The following RBM42 variants were observed in gnomAD, a reference collection of about 807,000 sequenced individuals.
The protein encoded by RBM42 is RNA binding motif protein 42, also known as RNA-binding protein 42.
Under a neutral mutation model 41.4 loss-of-function variants are expected in RBM42, and 21 were observed. The observed-to-expected ratio is 0.51, with a 90% CI of 0.36 to 0.73. The LOEUF (loss-of-function observed/expected upper bound fraction) is 0.73, where lower values mean the gene tolerates loss of function less well. Among genes scored for constraint, RBM42 ranks in the 30% least tolerant of loss-of-function variants. RBM42 has a pLI of 0.00. For synonymous variants in RBM42, 272 were observed against 271.2 expected, an observed-to-expected ratio of 1.00 and a Z score of -0.03; for missense variants, 539 against 680.4, an observed-to-expected ratio of 0.79 and a Z score of 2.31.
In RBM42 at chr19:35,633,698, A is replaced by G. The variant is rs999524352; in HGVS notation, c.696A>G (p.Ala232=). ...CCTCTTACCCACAGGAAGAGCCAGCAGCACCCCGAGAGCTGGGCCTAGGCC... is the reference window on the plus strand; with the variant it reads ...CCTCTTACCCACAGGAAGAGCCAGCGGCACCCCGAGAGCTGGGCCTAGGCC... The part of the protein sequence containing the change: ...AALRPPLEEP[A]APRELGLGLG... Residue 232 remains alanine, a synonymous_variant, in exon 7 of 10, where the codon GCA becomes GCG. Coordinates refer to ENST00000262633, the MANE Select transcript of RBM42 (RefSeq NM_024321.5). The G allele has an allele frequency of 2.1e-6, 3 of 1,460,758 alleles. No homozygotes were observed. In the African/African-American group the frequency reaches 4.4e-5, roughly 22 times the overall value. The allele number at this position is 1,460,758 out of a possible 1,614,324, so 90.5% of individuals were successfully genotyped here.
Position 35,629,640 on chromosome 19 carries a change from C to T in RBM42, c.249C>T (p.Ile83=). 1 of 1,614,198 alleles carries T rather than the reference C, an allele frequency of 6.2e-7. No individual in the cohort carries two copies. Among genetic ancestry groups the T allele is most frequent in the East Asian group, 2.2e-5 (1 of 44,886 alleles). The change falls in exon 2 of 10, where the codon ATC becomes ATT. Residue 83 remains isoleucine, a synonymous_variant. Coordinates refer to ENST00000262633, the MANE Select transcript of RBM42 (RefSeq NM_024321.5). Reference sequence around the variant, plus strand: ...TGCAGGTCCCAGCGGCTCCTGTGATCCGCCCAATTATCGCGACCAACACAT... The same window carrying T: ...TGCAGGTCCCAGCGGCTCCTGTGATTCGCCCAATTATCGCGACCAACACAT... The part of the protein sequence containing the change: ...EAMQVPAAPV[I]RPIIATNTYQ...
chr19:35,637,075 C>G lies in RBM42; in HGVS notation c.1136-83C>G, dbSNP rs1274736675. On this transcript the variant is annotated intron_variant, in intron 8 of 9. Transcript: ENST00000262633. The surrounding 1 kb of genome is among the most constrained non-coding windows in gnomAD (Gnocchi z 7.0). Reference sequence around the variant, plus strand: ...GTCCCTAGGCAGAGACTAGATACCTCCGAAAAGGTGGGATCGTTCAGACAA... The same window carrying G: ...GTCCCTAGGCAGAGACTAGATACCTGCGAAAAGGTGGGATCGTTCAGACAA... The G allele has an allele frequency of 1.5e-6, 2 of 1,320,570 alleles. No individual in the cohort carries two copies. Among genetic ancestry groups the G allele is most frequent in the African/African-American group, 2.9e-5 (2 of 68,224 alleles). 81.8% of individuals were successfully genotyped at this position (1,320,570 alleles called of 1,614,324 possible).
intron 8 of RBM42, among the ~76,000 whole-genome samples, chr19:35,634,674 T>A (rs1173734887): frequency 4.7e-5 from 7 of 150,020 alleles, no homozygotes; most frequent in African/African-American, 7.3e-5. Flanking sequence ...TTTTTTTTTT[T>A]ATGAGACAGA....
rs772047822 is a variant in RBM42, at chr19:35,633,710, G to A, written c.708G>A (p.Glu236=). The A allele has an allele frequency of 6.8e-7, 1 of 1,470,436 alleles. No individual in the cohort carries two copies. Among genetic ancestry groups the A allele is most frequent in the South Asian group, 1.5e-5 (1 of 68,756 alleles). 91.1% of individuals were successfully genotyped at this position (1,470,436 alleles called of 1,614,324 possible). Reference sequence around the variant, plus strand: ...AGGAAGAGCCAGCAGCACCCCGAGAGCTGGGCCTAGGCCTGGGGTTGGGCC... The same window carrying A: ...AGGAAGAGCCAGCAGCACCCCGAGAACTGGGCCTAGGCCTGGGGTTGGGCC... The part of the protein sequence containing the change: ...PPLEEPAAPR[E]LGLGLGLGLK... The change falls in exon 7 of 10, where the codon GAG becomes GAA. Residue 236 remains glutamate (E), a synonymous_variant. Transcript: ENST00000262633.
chr19:35,634,396 C>CA, intron 8 of RBM42, 23 bp downstream of exon 8: 1 of 1,583,994 alleles, frequency 6.3e-7, no homozygotes. Context: ...AGCTCGAGGT[C>CA]AGGCGTGGCT....
rs1313386495 is a variant in RBM42 at position 35,629,296 on chromosome 19, A to T, written c.128+15A>T. ...GAGATGGCCCTGTAAGGCCCGCGAC[A>T]GAGAGTGATAAAAGTCGTCCCAGAG... is the stretch of plus-strand genomic sequence containing the variant. On this transcript the variant is annotated intron_variant, in intron 1 of 9. Coordinates refer to ENST00000262633, the MANE Select transcript of RBM42 (RefSeq NM_024321.5). 2 of 1,513,550 alleles carry T rather than the reference A, an allele frequency of 1.3e-6. No individual in the cohort carries two copies. The highest frequency in any genetic ancestry group is 2.8e-5 in the African/African-American group (2 of 71,580). The allele number at this position is 1,513,550 out of a possible 1,614,324, so 93.8% of individuals were successfully genotyped here.
intron 1 of RBM42, 26 bp from the exon 2 acceptor site, chr19:35,629,494 C>T: frequency 6.2e-7 from 1 of 1,612,774 alleles, no homozygotes; most frequent in Non-Finnish European, 8.5e-7. Context: ...AGGTCCTGAG[C>T]GCTGATGTCT....
Position 35,637,283 on chromosome 19 carries a change from A to AC in RBM42, c.1263dup (p.Lys422GlnfsTer20), listed in dbSNP as rs1177265788. 1 of 1,614,188 alleles carries AC rather than the reference A, an allele frequency of 6.2e-7. No individual in the cohort carries two copies. Among genetic ancestry groups the AC allele is most frequent in the Admixed American group, 1.7e-5 (1 of 60,024 alleles). On this transcript the variant is annotated frameshift_variant, in exon 9 of 10. Transcript: ENST00000262633. LOFTEE classifies it high-confidence loss of function. The surrounding 1 kb of genome is among the most constrained non-coding windows in gnomAD (Gnocchi z 7.0). ...GATCCGTGACAAGCGCACAGGCAAG[A>AC]CCAAGGGCTACGGCTTCGTCAGCTT... is the stretch of plus-strand genomic sequence containing the variant.
chr19:35,633,308 A>G, intron 6 of RBM42, 56 bp downstream of exon 6: 1 of 1,381,176 alleles, frequency 7.2e-7, no homozygotes, highest in Non-Finnish European at 9.8e-7. Flanking sequence ...GAGACCATCC[A>G]TCCTGGCCCA....
intron 8 of RBM42, among the ~76,000 whole-genome samples, chr19:35,636,901 C>T (rs1473266306): frequency 6.6e-6 from 1 of 152,034 alleles, no homozygotes; most frequent in Non-Finnish European, 1.5e-5. Flanking sequence ...TCTGCCGCTT[C>T]CTGCTTGTGT....
intron 8 of RBM42, among the ~76,000 whole-genome samples, chr19:35,636,184 A>T: frequency 6.8e-6 from 1 of 147,020 alleles, no homozygotes. Context: ...TTTGAGACAG[A>T]GTCTCGCACT....
Position 35,634,035 on chromosome 19 carries a change from A to C in RBM42, c.1017+16A>C. ...GGCTCTTGAGGTAAGCAGGGAGCCT[A>C]GCGGTGAAGGGACAGAAGGGACGGG... On this transcript the variant is annotated intron_variant, in intron 7 of 9. Coordinates refer to ENST00000262633, the MANE Select transcript of RBM42 (RefSeq NM_024321.5). The C allele has an allele frequency of 6.7e-7, 1 of 1,483,132 alleles. No individual in the cohort carries two copies. The highest frequency in any genetic ancestry group is 1.4e-5 in the South Asian group (1 of 73,056). The allele number at this position is 1,483,132 out of a possible 1,614,324, so 91.9% of individuals were successfully genotyped here. A position where few individuals can be genotyped will look rare whatever the true frequency, so the allele number is the denominator to read the frequency against.
At chr19:35,634,188 C>G in intron 7 of RBM42, 68 bp from the exon 8 acceptor site, 1 of 1,577,920 alleles carries the variant, frequency 6.3e-7, no homozygotes, top group African/African-American at 1.3e-5. Flanking sequence ...GGCAGGAGGG[C>G]CGGGGACCAA....
chr19:35,631,029 C>T, intron 2 of RBM42, 111 bp from the exon 3 acceptor site: 1 of 941,832 alleles, frequency 1.1e-6, no homozygotes, highest in Non-Finnish European at 1.7e-6. Flanking sequence ...CCTGAGATAG[C>T]CAGCCACATA....
At chr19:35,633,467 G>A (rs929653504) in intron 6 of RBM42, among the ~76,000 whole-genome samples, 1 of 152,210 alleles carries the variant, frequency 6.6e-6, no homozygotes, top group Non-Finnish European at 1.5e-5. Context: ...CATGCTATTG[G>A]AATATTTCTC....
In RBM42 at chr19:35,637,412, G is replaced by A. The variant is rs375316706; in HGVS notation, c.1331-30G>A. 1.6e-5 allele frequency: 26 copies of A among 1,613,032 alleles called. 1 individual carries two copies. Among genetic ancestry groups the A allele is most frequent in the African/African-American group, 6.7e-5 (5 of 74,906 alleles). On this transcript the variant is annotated intron_variant, in intron 9 of 9. Coordinates refer to ENST00000262633, the MANE Select transcript of RBM42 (RefSeq NM_024321.5). This position sits in a 1 kb window ranked among gnomAD's most constrained non-coding sequence, Gnocchi z 7.0. ...GCAGGCGCTGGCCTAAGCCTGACCC[G>A]AGCCTGCCTTGAACCCTCTGTCTCC...
Position 35,629,055 on chromosome 19 carries a change from C to T in RBM42, c.-99C>T, listed in dbSNP as rs548447362. 3.5e-6 allele frequency: 5 copies of T among 1,436,626 alleles called. No individual in the cohort carries two copies. The highest frequency in any genetic ancestry group is 2.8e-5 in the South Asian group (2 of 72,070). 89.0% of individuals were successfully genotyped at this position (1,436,626 alleles called of 1,614,324 possible). A position where few individuals can be genotyped will look rare whatever the true frequency, so the allele number is the denominator to read the frequency against. On this transcript the variant is annotated 5_prime_UTR_variant, in exon 1 of 10. Transcript: ENST00000262633. ...CCCGTCGCTTTTGCTGGACGTCATC[C>T]TCGGGAGCCCACCCGGACGAAGGGG...
At position 35,634,656 on chromosome 19, in the gene RBM42, A is replaced by ATT. The variant is rs74276917; in HGVS notation, c.1135+300_1135+301dup. On this transcript the variant is annotated intron_variant, in intron 8 of 9. Transcript: ENST00000262633. ...TTTTTTCCCAACTCTTAGGATAAAAATTTTTTTTTTTTTTTTTTATGAGAC... is the reference window on the plus strand; with the variant it reads ...TTTTTTCCCAACTCTTAGGATAAAAATTTTTTTTTTTTTTTTTTTTATGAGAC... 1.9e-3 allele frequency among the ~76,000 whole-genome samples: 268 copies of ATT among 139,874 alleles called. 1 individual carries two copies. Among genetic ancestry groups the ATT allele is most frequent in the South Asian group, 7.8e-3 (34 of 4,344 alleles). 91.8% of individuals were successfully genotyped at this position (139,874 alleles called of 152,430 possible).
rs1599605644 is a variant in RBM42 at position 35,631,399 on chromosome 19, C to T, written c.436C>T (p.Arg146Trp). Residue 146 changes from arginine (R) to tryptophan (W), a missense_variant, in exon 4 of 10, where the codon CGG (arginine) becomes TGG (tryptophan). Arg to Trp is a moderately radical substitution (Grantham distance 101). Coordinates refer to ENST00000262633, the MANE Select transcript of RBM42 (RefSeq NM_024321.5). ...GGCTCGAGAAGCCATGTTCCTGCGG[C>T]GGGCAGGTGAGTCTGGGGCCAGGGA... is the stretch of plus-strand genomic sequence containing the variant. ...PEAREAMFLR[R>W]AAVAPQRAPI... 1.9e-6 allele frequency: 3 copies of T among 1,614,092 alleles called. No homozygotes were observed. The highest frequency in any genetic ancestry group is 2.5e-6 in the Non-Finnish European group (3 of 1,179,936).
Sources: gnomAD v4.1 joint callset for allele counts (sites outside exome capture counted in the v4.1 genomes callset) on GRCh38, gnomAD v4.1.1 for gene constraint, Gnocchi (gnomAD v3.1) non-coding constraint, MANE v1.5 for transcripts, NCBI Gene and HGNC (gene_info 2026-07-23, HGNC 2026-07-21) for gene names.